The following CEP295 variants were observed in gnomAD, a reference collection of about 807,000 sequenced individuals.
CEP295 encodes centrosomal protein 295.
A neutral mutation model predicts 291.6 loss-of-function variants in CEP295; 190 were observed. That is an observed-to-expected ratio of 0.65 (90% CI 0.58 to 0.73). The LOEUF (loss-of-function observed/expected upper bound fraction) is 0.73. CEP295 is among the 30% of genes least tolerant of loss of function. CEP295 has a pLI of 0.00. For synonymous variants in CEP295, 993 were observed against 1,038.8 expected, an observed-to-expected ratio of 0.96 and a Z score of 0.85; for missense variants, 2,863 against 2,949.4, an observed-to-expected ratio of 0.97 and a Z score of 0.68.
intron 12 of CEP295, among the ~76,000 whole-genome samples, chr11:93,694,659 C>T (rs1951760272): frequency 6.6e-6 from 1 of 152,160 alleles, no homozygotes; most frequent in Non-Finnish European, 1.5e-5. Flanking sequence ...ATGGCCTGGT[C>T]CAGTTTACAG....
chr11:93,698,086 G>A lies in CEP295; in HGVS notation c.3174G>A (p.Lys1058=). ...QQFLPLHDSL[K]LLQEQLTKQR... ...TCCTACCTCTACATGATAGTTTGAA[G>A]TTGCTCCAAGAACAGTTGACTAAAC... is the stretch of plus-strand genomic sequence containing the variant. The change falls in exon 15 of 30, where the codon AAG becomes AAA. Residue 1058 remains lysine (K), a synonymous_variant. Transcript: ENST00000325212. 6.4e-7 allele frequency: 1 copy of A among 1,552,048 alleles called. No individual in the cohort carries two copies. Among genetic ancestry groups the A allele is most frequent in the South Asian group, 1.2e-5 (1 of 84,058 alleles).
chr11:93,697,775 G>C lies in CEP295; in HGVS notation c.2863G>C (p.Glu955Gln). ...SQQNNFKFLQ[E>Q]QLNIQKDSLQ... is the part of the protein sequence containing the mutation. The stretch of plus-strand genomic sequence containing the variant: ...GCAAAATAATTTTAAATTTCTCCAA[G>C]AGCAGTTGAATATTCAGAAGGATAG... Residue 955 changes from glutamate (E) to glutamine (Q), a missense_variant, in exon 15 of 30, where the codon GAG (glutamate) becomes CAG (glutamine). By Grantham distance (29) the Glu-to-Gln change is conservative. Around this residue, in one of 3 missense-constraint regions of CEP295, gnomAD observed 2,295 missense variants for 2,335.7 expected, o/e 0.98. Coordinates refer to ENST00000325212, the MANE Select transcript of CEP295 (RefSeq NM_033395.2). 1 of 1,551,690 alleles carries C rather than the reference G, an allele frequency of 6.4e-7. No individual in the cohort carries two copies. The highest frequency in any genetic ancestry group is 8.7e-7 in the Non-Finnish European group (1 of 1,146,996).
rs571852578 is a variant in CEP295 at position 93,717,132 on chromosome 11, C to T, written c.5750-4180C>T. ...GACAAGTCAGCCTAATACAGGAAAGCTTATTTCTCTTTAATTTTATTTTTC... is the reference window on the plus strand; with the variant it reads ...GACAAGTCAGCCTAATACAGGAAAGTTTATTTCTCTTTAATTTTATTTTTC... On this transcript the variant is annotated intron_variant, in intron 18 of 29. Transcript: ENST00000325212. Among the ~76,000 whole-genome samples, 534 of 152,200 alleles carry T rather than the reference C, an allele frequency of 3.5e-3. 4 individuals are homozygous for T. Among genetic ancestry groups the T allele is most frequent in the African/African-American group, 0.012 (513 of 41,526 alleles).
At chr11:93,728,412 T>C (rs548124037) in intron 24 of CEP295, 1 of 282,576 alleles carries the variant, frequency 3.5e-6, no homozygotes, top group African/African-American at 2.2e-5. Flanking sequence ...AGCATTTAGG[T>C]TTGTAATCAT....
At chr11:93,720,215 G>C (rs1169053008) in intron 18 of CEP295, among the ~76,000 whole-genome samples, 1 of 152,032 alleles carries the variant, frequency 6.6e-6, no homozygotes, top group African/African-American at 2.4e-5. Flanking sequence ...GCTCACACCT[G>C]TAATCCCAGC....
chr11:93,711,977 G>A (rs1319452964), intron 18 of CEP295, among the ~76,000 whole-genome samples: 1 of 152,092 alleles, frequency 6.6e-6, no homozygotes, highest in Non-Finnish European at 1.5e-5. Flanking sequence ...TTTGGTCTAT[G>A]GTGAAGATTA....
At position 93,699,874 on chromosome 11, in the gene CEP295, G is replaced by A. The variant is rs140941855; in HGVS notation, c.4962G>A (p.Ser1654=). ...TTCTACCCAAGGAAACAGAGCATTC[G>A]TTTATTCCACTACCTTTTGCAGAAG... ...SLFLPKETEH[S]FIPLPFAEAK... The change falls in exon 15 of 30, where the codon TCG becomes TCA. Residue 1654 remains serine (S), a synonymous_variant. Transcript: ENST00000325212. 5.3e-5 allele frequency: 83 copies of A among 1,551,996 alleles called. No homozygotes were observed. The highest frequency in any genetic ancestry group is 3.3e-4 in the Middle Eastern group (2 of 5,994).
chr11:93,669,665 T>G lies in CEP295; in HGVS notation c.435-12T>G, dbSNP rs771432513. The G allele has an allele frequency of 1.3e-6, 2 of 1,523,468 alleles. No individual in the cohort carries two copies. The highest frequency in any genetic ancestry group is 2.4e-5 in the South Asian group (2 of 83,392). 94.4% of individuals were successfully genotyped at this position (1,523,468 alleles called of 1,614,324 possible). ...CTGAGAGATTAATTGATGACATCTC[T>G]TGTTTCTTAAGGCATATAAAAGCTC... On this transcript the variant is annotated splice_polypyrimidine_tract_variant and intron_variant, in intron 4 of 29. Coordinates refer to ENST00000325212, the MANE Select transcript of CEP295 (RefSeq NM_033395.2).
At chr11:93,704,402 G>T (rs898772927) in intron 17 of CEP295, among the ~76,000 whole-genome samples, 9 of 152,144 alleles carry the variant, frequency 5.9e-5, no homozygotes, top group African/African-American at 1.9e-4. Flanking sequence ...GAGATGGGAG[G>T]ATCGAGACCA....
rs1002919149 is a variant in CEP295 at position 93,682,368 on chromosome 11, C to A, written c.766-1191C>A. ...CCTCCCGAGTAGCTGGCATTTCAGG[C>A]GCATGCCGTCACGCCCTGCTACTCT... On this transcript the variant is annotated intron_variant, in intron 7 of 29. Coordinates refer to ENST00000325212, the MANE Select transcript of CEP295 (RefSeq NM_033395.2). 3.3e-5 allele frequency among the ~76,000 whole-genome samples: 5 copies of A among 152,192 alleles called. 1 individual carries two copies. The South Asian group carries it at 1.0e-3, about 32-fold the overall frequency.
At chr11:93,672,135 G>A (rs188449513) in intron 5 of CEP295, among the ~76,000 whole-genome samples, 9 of 152,272 alleles carry the variant, frequency 5.9e-5, no homozygotes, top group East Asian at 5.8e-4. Flanking sequence ...AGGTAAGTGC[G>A]ATAACCAGAG....
chr11:93,662,980 T>G (rs1950054618), intron 1 of CEP295, among the ~76,000 whole-genome samples: 1 of 152,166 alleles, frequency 6.6e-6, no homozygotes, highest in African/African-American at 2.4e-5. Context: ...TCACATAAGA[T>G]TAGACAAATC....
rs1317416303 is a variant in CEP295 at position 93,722,391 on chromosome 11, G to A, written c.5947+341G>A. 3 of 218,968 alleles carry A rather than the reference G, an allele frequency of 1.4e-5. No individual in the cohort carries two copies. The Admixed American group carries it at 1.6e-4, about 12-fold the overall frequency. The allele number at this position is 218,968 out of a possible 1,614,324, so 13.6% of individuals were successfully genotyped here. A position where few individuals can be genotyped will look rare whatever the true frequency, so the allele number is the denominator to read the frequency against. ...GTGAGGGGATCGCTTGAGCCTGGGA[G>A]GTCAAGGCTGCAATGAGCCACAATC... On this transcript the variant is annotated intron_variant, in intron 20 of 29. Transcript: ENST00000325212.
chr11:93,703,660 T>C (rs1331123960), intron 17 of CEP295, among the ~76,000 whole-genome samples: 1 of 151,918 alleles, frequency 6.6e-6, no homozygotes, highest in Admixed American at 6.6e-5. Context: ...TATAGGATTA[T>C]TATGCTTAAA....
chr11:93,664,801 T>C (rs1246700886), intron 1 of CEP295, among the ~76,000 whole-genome samples: 1 of 152,202 alleles, frequency 6.6e-6, no homozygotes, highest in African/African-American at 2.4e-5. Context: ...CTATTCTGTT[T>C]ACACCTGGTT....
chr11:93,668,267 C>T (rs533818699), intron 3 of CEP295, among the ~76,000 whole-genome samples: 1 of 152,232 alleles, frequency 6.6e-6, no homozygotes, highest in South Asian at 2.1e-4. Flanking sequence ...CAGTCACATA[C>T]AGTAAACAAG....
rs1352709767 is a variant in CEP295, at chr11:93,699,422, G to A, written c.4510G>A (p.Asp1504Asn). ...SEHFIQSHHGDLQALQQQLDT... is the reference protein window; with the variant it reads ...SEHFIQSHHGNLQALQQQLDT... ...GCATTTTATCCAGTCTCACCATGGT[G>A]ATTTGCAGGCACTTCAACAGCAGTT... is the stretch of plus-strand genomic sequence containing the variant. Residue 1504 changes from aspartate to asparagine, a missense_variant, in exon 15 of 30, where the codon GAT becomes AAT. Asp to Asn is a conservative substitution (Grantham distance 23). Transcript: ENST00000325212. 8 of 1,551,638 alleles carry A rather than the reference G, an allele frequency of 5.2e-6. No individual in the cohort carries two copies.
rs1038165966 is a variant in CEP295, at chr11:93,724,262, C to T, written c.6205C>T (p.His2069Tyr). ...PEKTDLQELE[H>Y]IFPNLHHQLF... ...TGACCTTGACTTTCCAGAATTGGAA[C>T]ACATTTTTCCTAATTTGCATCATCA... The change falls in exon 22 of 30, where the codon CAC becomes TAC. Residue 2069 changes from histidine to tyrosine, a missense_variant. By Grantham distance (83) the His-to-Tyr change is moderately conservative (BLOSUM62 2). Coordinates refer to ENST00000325212, the MANE Select transcript of CEP295 (RefSeq NM_033395.2). 7.8e-6 allele frequency: 12 copies of T among 1,546,958 alleles called. No individual in the cohort carries two copies. In the East Asian group the frequency reaches 2.4e-4, roughly 32 times the overall value.
chr11:93,709,570 T>G (rs1369242866), intron 18 of CEP295, among the ~76,000 whole-genome samples: 1 of 152,156 alleles, frequency 6.6e-6, no homozygotes, highest in African/African-American at 2.4e-5. Flanking sequence ...TAATTTGAAG[T>G]TAGGTAGATT....
Sources: allele counts gnomAD v4.1 joint callset (sites outside exome capture counted in the v4.1 genomes callset), GRCh38; gene constraint gnomAD v4.1.1; regional missense constraint gnomAD v4.1.1; transcripts MANE v1.5; gene names NCBI Gene and HGNC (gene_info 2026-07-23, HGNC 2026-07-21).